MTUS2: variants seen among roughly 807,000 people sequenced by gnomAD.
The protein encoded by MTUS2 is microtubule-associated tumor suppressor candidate 2.
Under a neutral mutation model 114.1 loss-of-function variants are expected in MTUS2, and 40 were observed. That is an observed-to-expected ratio of 0.35 (90% CI 0.27 to 0.46). The LOEUF is 0.46. Ranked by LOEUF, MTUS2 falls within the 20% of genes least tolerant of loss-of-function variation. MTUS2 has a pLI of 1.00. For missense variants in MTUS2, 1,679 were observed against 1,705.4 expected, an observed-to-expected ratio of 0.98 and a Z score of 0.27; for synonymous variants, 688 against 672.0, an observed-to-expected ratio of 1.02 and a Z score of -0.37.
chr13:28,849,269 G>A (rs1876092103), intron 2 of MTUS2, among the ~76,000 whole-genome samples: 1 of 152,196 alleles, frequency 6.6e-6, no homozygotes, highest in Admixed American at 6.5e-5. Flanking sequence ...GTTTATGAGA[G>A]TTATTTCAAA....
chr13:29,074,850 A>G (rs1421705036), intron 4 of MTUS2, among the ~76,000 whole-genome samples: 4 of 152,194 alleles, frequency 2.6e-5, no homozygotes, highest in African/African-American at 9.6e-5. Context: ...CCACAGTTTT[A>G]TTGAGATATA....
intron 5 of MTUS2, among the ~76,000 whole-genome samples, chr13:29,143,436 T>C (rs1195312829): frequency 6.6e-6 from 1 of 152,236 alleles, no homozygotes; most frequent in African/African-American, 2.4e-5. Flanking sequence ...AAAGCATTTT[T>C]CTGCCTCAAT....
chr13:29,491,627 G>T, intron 11 of MTUS2, among the ~76,000 whole-genome samples: 1 of 149,520 alleles, frequency 6.7e-6, no homozygotes, highest in African/African-American at 2.5e-5. Context: ...GTGTGTATGT[G>T]ATTAGTAGGT....
rs748655936 is a variant in MTUS2, at chr13:29,025,233, A to G, written c.535A>G (p.Arg179Gly). The G allele has an allele frequency of 6.2e-6, 10 of 1,613,916 alleles. No homozygotes were observed. Among genetic ancestry groups the G allele is most frequent in the Non-Finnish European group, 8.5e-6 (10 of 1,179,912 alleles). ...GGAACTGAGGAGGCATTCTTTGGAA[A>G]GAGCAAGCAGCTCTGTAGCTGCAGT... is the stretch of plus-strand genomic sequence containing the variant. ...NEELRRHSLE[R>G]ASSSVAAVGS... The change falls in exon 3 of 16, where the codon AGA (arginine) becomes GGA (glycine). Residue 179 changes from arginine to glycine, a missense_variant. Transcript: ENST00000612955.
intron 5 of MTUS2, among the ~76,000 whole-genome samples, chr13:29,186,149 G>A (rs915970317): frequency 6.6e-6 from 1 of 152,198 alleles, no homozygotes; most frequent in Non-Finnish European, 1.5e-5. Context: ...GGGAGATAAA[G>A]GCTGCAGTGA....
chr13:29,129,416 T>C (rs1891659904), intron 5 of MTUS2, among the ~76,000 whole-genome samples: 1 of 152,180 alleles, frequency 6.6e-6, no homozygotes, highest in African/African-American at 2.4e-5. Context: ...TGCAAAAGAC[T>C]GGAGGGTGAT....
chr13:29,462,308 C>T (rs75503553), intron 9 of MTUS2, among the ~76,000 whole-genome samples: 6,569 of 152,190 alleles, frequency 0.043, 185 homozygotes, highest in Middle Eastern at 0.065. Context: ...CTACAGAGTC[C>T]AGATGGTGCA....
intron 4 of MTUS2, among the ~76,000 whole-genome samples, chr13:29,047,299 A>G (rs1471488937): frequency 6.6e-6 from 1 of 152,172 alleles, no homozygotes; most frequent in Non-Finnish European, 1.5e-5. Flanking sequence ...GTAAAGCACC[A>G]ACACATCAGA....
At chr13:29,096,884 T>C (rs1019149432) in intron 4 of MTUS2, among the ~76,000 whole-genome samples, 1 of 152,130 alleles carries the variant, frequency 6.6e-6, no homozygotes, top group African/African-American at 2.4e-5. Flanking sequence ...CCATAGGTGA[T>C]TGGGAAATGG....
intron 3 of MTUS2, among the ~76,000 whole-genome samples, chr13:29,028,330 A>G (rs1886657003): frequency 6.9e-6 from 1 of 143,954 alleles, no homozygotes. Context: ...CAGCCTGGCA[A>G]CAGAGCGCGA....
Position 29,026,349 on chromosome 13 carries a change from C to A in MTUS2, c.1651C>A (p.Pro551Thr). The part of the protein sequence containing the change: ...TVNMTYQPTT[P>T]SSSFQDVSVF... The stretch of plus-strand genomic sequence containing the variant: ...GAACATGACCTACCAGCCTACAACA[C>A]CCAGTAGCAGTTTTCAGGATGTTAG... Residue 551 changes from proline to threonine, a missense_variant, in exon 3 of 16, where the codon CCC becomes ACC. By Grantham distance (38) the Pro-to-Thr change is conservative (BLOSUM62 -1). Around this residue, in one of 3 missense-constraint regions of MTUS2, gnomAD observed 843 missense variants for 770.8 expected, o/e 1.09. Transcript: ENST00000612955. 1 of 1,613,994 alleles carries A rather than the reference C, an allele frequency of 6.2e-7. No homozygotes were observed. The highest frequency in any genetic ancestry group is 2.2e-5 in the East Asian group (1 of 44,886).
intron 8 of MTUS2, among the ~76,000 whole-genome samples, chr13:29,433,219 A>G (rs1206253105): frequency 6.6e-6 from 1 of 152,214 alleles, no homozygotes; most frequent in Non-Finnish European, 1.5e-5. Context: ...CTTTTTACCC[A>G]GTGACTCTTC....
chr13:28,984,019 G>GT (rs940661044), intron 2 of MTUS2, among the ~76,000 whole-genome samples: 3 of 152,148 alleles, frequency 2.0e-5, no homozygotes, highest in African/African-American at 7.2e-5. Flanking sequence ...TTCTTTACCT[G>GT]TTTCCAGCTC....
chr13:29,225,390 A>G (rs1292745824), intron 5 of MTUS2, among the ~76,000 whole-genome samples: 1 of 152,178 alleles, frequency 6.6e-6, no homozygotes, highest in African/African-American at 2.4e-5. Context: ...ATAATTTCCA[A>G]AGTTACGCAG....
At chr13:29,157,164 A>G (rs938055265) in intron 5 of MTUS2, among the ~76,000 whole-genome samples, 7 of 152,168 alleles carry the variant, frequency 4.6e-5, no homozygotes, top group African/African-American at 1.4e-4. Context: ...AACTATTGCA[A>G]ACTAAGCTGT....
chr13:29,089,131 C>A (rs1889827886), intron 4 of MTUS2, among the ~76,000 whole-genome samples: 1 of 152,146 alleles, frequency 6.6e-6, no homozygotes, highest in Non-Finnish European at 1.5e-5. Flanking sequence ...TTTATGGCCT[C>A]TTCTAAGGCA....
intron 8 of MTUS2, among the ~76,000 whole-genome samples, chr13:29,388,952 GC>G (rs943252777): frequency 3.3e-5 from 5 of 151,554 alleles, no homozygotes; most frequent in Admixed American, 2.6e-4. Context: ...CTGTTGTCTT[GC>G]CCCCAGCAGT....
In MTUS2 at chr13:29,024,476, T is replaced by C; in HGVS notation, c.-223T>C. ...CTCTAGGTCTCATGGACTGATTGGC[T>C]CTCATTCAGCAGGAACCTAACAGAT... On this transcript the variant is annotated 5_prime_UTR_variant, in exon 3 of 16. Transcript: ENST00000612955. The C allele has an allele frequency of 1.8e-6, 1 of 564,112 alleles. No individual in the cohort carries two copies. Among genetic ancestry groups the C allele is most frequent in the East Asian group, 2.9e-5 (1 of 34,306 alleles). 34.9% of individuals were successfully genotyped at this position (564,112 alleles called of 1,614,324 possible).
chr13:28,913,124 C>T (rs1480654404), intron 2 of MTUS2, among the ~76,000 whole-genome samples: 5 of 152,064 alleles, frequency 3.3e-5, no homozygotes, highest in Non-Finnish European at 5.9e-5. Flanking sequence ...TGCCTGATTC[C>T]CCTGGCCAGA....
Sources: allele counts gnomAD v4.1 joint callset (sites outside exome capture counted in the v4.1 genomes callset), GRCh38; gene constraint gnomAD v4.1.1; regional missense constraint gnomAD v4.1.1; transcripts MANE v1.5; gene names NCBI Gene and HGNC (gene_info 2026-07-23, HGNC 2026-07-21).